Variants in FAR1 observed in about 807,000 individuals in gnomAD.
FAR1 encodes fatty acyl-CoA reductase 1, also known as male sterility domain-containing protein 2.
Under a neutral mutation model 61.1 loss-of-function variants are expected in FAR1, and 22 were observed. The ratio of observed to expected loss-of-function variants is 0.36; its 90% CI spans 0.26 to 0.51. The LOEUF (loss-of-function observed/expected upper bound fraction) is 0.51. Among genes scored for constraint, FAR1 ranks in the 20% least tolerant of loss-of-function variants. The pLI, the probability that FAR1 is intolerant of heterozygous loss-of-function variation, is 0.95. For missense variants in FAR1, 359 were observed against 626.9 expected, an observed-to-expected ratio of 0.57 and a Z score of 4.56; for synonymous variants, 206 against 209.7, an observed-to-expected ratio of 0.98 and a Z score of 0.15.
intron 2 of FAR1, among the ~76,000 whole-genome samples, chr11:13,697,050 T>A (rs1391012339): frequency 2.6e-5 from 4 of 152,162 alleles, no homozygotes; most frequent in African/African-American, 9.7e-5. Context: ...CCAAAAATGT[T>A]TTTAGACATC....
rs1329392855 is a variant in FAR1, at chr11:13,729,846, T to C, written c.*1072T>C. 1 of 152,320 alleles carries C rather than the reference T, an allele frequency of 6.6e-6. No homozygotes were observed. Among genetic ancestry groups the C allele is most frequent in the African/African-American group, 2.4e-5 (1 of 41,418 alleles). The allele number at this position is 152,320 out of a possible 1,614,324, so 9.4% of individuals were successfully genotyped here. A position where few individuals can be genotyped will look rare whatever the true frequency, so the allele number is the denominator to read the frequency against. On this transcript the variant is annotated 3_prime_UTR_variant, in exon 12 of 12. Transcript: ENST00000354817. ...ATGAATTCCTTCAAGAAAAATAAAATAATGCTTAAGATAATGTGTACGAAA... is the reference window on the plus strand; with the variant it reads ...ATGAATTCCTTCAAGAAAAATAAAACAATGCTTAAGATAATGTGTACGAAA...
In FAR1 at chr11:13,700,498, T is replaced by C. The variant is rs573798680; in HGVS notation, c.365+6T>C. 6 of 1,431,568 alleles carry C rather than the reference T, an allele frequency of 4.2e-6. No individual in the cohort carries two copies. In the Middle Eastern group the frequency reaches 7.7e-4, roughly 183 times the overall value. The allele number at this position is 1,431,568 out of a possible 1,614,324, so 88.7% of individuals were successfully genotyped here. On this transcript the variant is annotated splice_donor_region_variant and intron_variant, in intron 3 of 11. Transcript: ENST00000354817. ...AGGTTTAATGAAAATTTAAGGTAAG[T>C]ACAAGTAATTATATAATATTTGAAC...
At chr11:13,681,018 C>G (rs1323155959) in intron 1 of FAR1, among the ~76,000 whole-genome samples, 1 of 152,150 alleles carries the variant, frequency 6.6e-6, no homozygotes, top group Non-Finnish European at 1.5e-5. Context: ...AGTTGTCTTG[C>G]TTTTGACTAG....
At chr11:13,679,031 T>C (rs1048077097) in intron 1 of FAR1, among the ~76,000 whole-genome samples, 1 of 152,210 alleles carries the variant, frequency 6.6e-6, no homozygotes, top group Admixed American at 6.5e-5. Flanking sequence ...TATGTTTTCC[T>C]ATAACATCGG....
chr11:13,674,146 T>C (rs1323171261), intron 1 of FAR1, among the ~76,000 whole-genome samples: 1 of 151,620 alleles, frequency 6.6e-6, no homozygotes, highest in Non-Finnish European at 1.5e-5. Context: ...CCCCATCTAG[T>C]AAAACTACAA....
chr11:13,694,658 G>A (rs1565343695), intron 1 of FAR1, 101 bp from the exon 2 acceptor site: 1 of 1,026,648 alleles, frequency 9.7e-7, no homozygotes, highest in African/African-American at 1.6e-5. Context: ...TTTGACTTTT[G>A]TCTGCTTTTT....
In FAR1 at chr11:13,694,744, C is replaced by A; in HGVS notation, c.-7-15C>A. On this transcript the variant is annotated splice_polypyrimidine_tract_variant and intron_variant, in intron 1 of 11. Coordinates refer to ENST00000354817, the MANE Select transcript of FAR1 (RefSeq NM_032228.6). ...GAATCCTTAAACTAATGCTTATTTG[C>A]CATGTTTTTCTTAGGATCAAAATGG... The A allele has an allele frequency of 6.3e-7, 1 of 1,590,080 alleles. No individual in the cohort carries two copies. The highest frequency in any genetic ancestry group is 8.6e-7 in the Non-Finnish European group (1 of 1,166,748).
At chr11:13,682,142 AT>A (rs1291107246) in intron 1 of FAR1, among the ~76,000 whole-genome samples, 1 of 152,210 alleles carries the variant, frequency 6.6e-6, no homozygotes, top group Non-Finnish European at 1.5e-5. Context: ...GCATATCTGT[AT>A]TTCTGAAGCC....
intron 2 of FAR1, among the ~76,000 whole-genome samples, chr11:13,698,944 C>G (rs1848339393): frequency 6.6e-6 from 1 of 152,184 alleles, no homozygotes; most frequent in Admixed American, 6.5e-5. Flanking sequence ...CCATACAACT[C>G]TAGCTGCTTT....
rs1285653508 is a variant in FAR1 at position 13,700,560 on chromosome 11, A to G, written c.365+68A>G. ...TATTAAAAAATCTCATTTTAATTCT[A>G]CTTTTTAGTCAATTTGTTTTGAATG... On this transcript the variant is annotated intron_variant, in intron 3 of 11. Coordinates refer to ENST00000354817, the MANE Select transcript of FAR1 (RefSeq NM_032228.6). The G allele has an allele frequency of 3.0e-5, 31 of 1,022,190 alleles. No homozygotes were observed. The East Asian group carries it at 9.4e-4, about 31-fold the overall frequency. The allele number at this position is 1,022,190 out of a possible 1,614,324, so 63.3% of individuals were successfully genotyped here. A position where few individuals can be genotyped will look rare whatever the true frequency, so the allele number is the denominator to read the frequency against.
chr11:13,729,836 AAAAAT>A lies in FAR1; in HGVS notation c.*1070_*1074del, dbSNP rs1462438173. On this transcript the variant is annotated 3_prime_UTR_variant, in exon 12 of 12. Coordinates refer to ENST00000354817, the MANE Select transcript of FAR1 (RefSeq NM_032228.6). ...ACCTTGAAAGATGAATTCCTTCAAG[AAAAAT>A]AAAATAATGCTTAAGATAATGTGTA... The A allele has an allele frequency of 2.0e-5, 3 of 152,348 alleles. No individual in the cohort carries two copies. The highest frequency in any genetic ancestry group is 7.2e-5 in the African/African-American group (3 of 41,462). The allele number at this position is 152,348 out of a possible 1,614,324, so 9.4% of individuals were successfully genotyped here. A position where few individuals can be genotyped will look rare whatever the true frequency, so the allele number is the denominator to read the frequency against.
At chr11:13,707,146 A>G (rs1443525466) in intron 3 of FAR1, among the ~76,000 whole-genome samples, 1 of 152,178 alleles carries the variant, frequency 6.6e-6, no homozygotes, top group Non-Finnish European at 1.5e-5. Context: ...TCCATATTCC[A>G]TAGTGAATAT....
chr11:13,689,784 T>C (rs1343313318), intron 1 of FAR1, among the ~76,000 whole-genome samples: 4 of 152,166 alleles, frequency 2.6e-5, no homozygotes, highest in African/African-American at 9.7e-5. Context: ...TGCACCCTTA[T>C]TCTGAGGGTC....
chr11:13,688,859 T>A (rs563475264), intron 1 of FAR1, among the ~76,000 whole-genome samples: 1 of 152,268 alleles, frequency 6.6e-6, no homozygotes, highest in African/African-American at 2.4e-5. Context: ...TGGGGTCTTC[T>A]GTGTTGCCCA....
At chr11:13,705,462 G>A (rs996684418) in intron 3 of FAR1, among the ~76,000 whole-genome samples, 9 of 152,036 alleles carry the variant, frequency 5.9e-5, no homozygotes, top group African/African-American at 1.4e-4. Flanking sequence ...CCTTATTTTC[G>A]GTGACCTAGA....
At chr11:13,712,089 GA>G in intron 7 of FAR1, 43 bp downstream of exon 7, 1 of 1,280,784 alleles carries the variant, frequency 7.8e-7, no homozygotes, top group Non-Finnish European at 1.1e-6. Flanking sequence ...TATAGTAACT[GA>G]AAAGGGAAGA....
chr11:13,688,045 C>A (rs1848208508), intron 1 of FAR1, among the ~76,000 whole-genome samples: 1 of 151,786 alleles, frequency 6.6e-6, no homozygotes, highest in Non-Finnish European at 1.5e-5. Context: ...CACATGTATA[C>A]ATATGTAACA....
At chr11:13,717,666 T>TA (rs1209601230) in intron 9 of FAR1, among the ~76,000 whole-genome samples, 1 of 152,200 alleles carries the variant, frequency 6.6e-6, no homozygotes, top group Non-Finnish European at 1.5e-5. Flanking sequence ...GCTTTTCTTG[T>TA]AAATTAAGGC....
chr11:13,689,772 T>A (rs1848227260), intron 1 of FAR1, among the ~76,000 whole-genome samples: 1 of 152,294 alleles, frequency 6.6e-6, no homozygotes, highest in Admixed American at 6.5e-5. Flanking sequence ...TTCCAGTTAT[T>A]GTGCACCCTT....
Sources: allele counts gnomAD v4.1 joint callset (sites outside exome capture counted in the v4.1 genomes callset), GRCh38; gene constraint gnomAD v4.1.1; transcripts MANE v1.5; gene names NCBI Gene and HGNC (gene_info 2026-07-23, HGNC 2026-07-21).